FANCI: variants seen among roughly 807,000 people sequenced by gnomAD.
The protein encoded by FANCI is Fanconi anemia group I protein.
FANCI carries 156 observed loss-of-function variants against 176.1 expected under a neutral mutation model. The observed-to-expected ratio is 0.89, with a 90% CI of 0.78 to 1.01. The LOEUF (loss-of-function observed/expected upper bound fraction) is 1.01, where lower values mean the gene tolerates loss of function less well. FANCI is among the 50% of genes least tolerant of loss of function. The probability of loss-of-function intolerance (pLI) is 0.00; values close to 1 mark genes in which losing one functional copy is unlikely to be tolerated. For missense variants in FANCI, 1,678 were observed against 1,534.1 expected, an observed-to-expected ratio of 1.09 and a Z score of -1.57; for synonymous variants, 613 against 541.7, an observed-to-expected ratio of 1.13 and a Z score of -1.83.
chr15:89,289,363 T>C (rs1361307873), intron 18 of FANCI, among the ~76,000 whole-genome samples: 1 of 152,054 alleles, frequency 6.6e-6, no homozygotes, highest in Non-Finnish European at 1.5e-5. Context: ...AGTGGTGCGG[T>C]CTCGGGTCTC....
intron 34 of FANCI, among the ~76,000 whole-genome samples, chr15:89,310,974 AT>A (rs2054931760): frequency 6.6e-6 from 1 of 152,084 alleles, no homozygotes; most frequent in Non-Finnish European, 1.5e-5. Flanking sequence ...GATACAAAAA[AT>A]AGCAGGGCAC....
Position 89,301,345 on chromosome 15 carries a change from T to C in FANCI, c.2909T>C (p.Leu970Pro). The stretch of plus-strand genomic sequence containing the variant: ...TCTCAGAGGTCCTTGTTGAATTTAC[T>C]TAGCAGTCAAGAGGAAGATTTTAAT... The part of the protein sequence containing the change: ...RQFQRSLLNL[L>P]SSQEEDFNSK... Residue 970 changes from leucine to proline, a missense_variant, in exon 27 of 38, where the codon CTT becomes CCT. Leu to Pro is a moderately conservative substitution (Grantham distance 98). Around this residue, in one of 3 missense-constraint regions of FANCI, gnomAD observed 1,204 missense variants for 1,077.4 expected, o/e 1.12. Transcript: ENST00000310775. 1.2e-6 allele frequency: 2 copies of C among 1,613,812 alleles called. No homozygotes were observed. Among genetic ancestry groups the C allele is most frequent in the Non-Finnish European group, 1.7e-6 (2 of 1,179,696 alleles).
At chr15:89,249,476 T>C (rs2052141607) in intron 2 of FANCI, among the ~76,000 whole-genome samples, 1 of 152,038 alleles carries the variant, frequency 6.6e-6, no homozygotes, top group South Asian at 2.1e-4. Flanking sequence ...GCCTCCTGAG[T>C]AGCTGGGAGT....
At position 89,282,982 on chromosome 15, in the gene FANCI, C is replaced by G. The variant is rs960603985; in HGVS notation, c.1584-154C>G. 14 of 753,644 alleles carry G rather than the reference C, an allele frequency of 1.9e-5. No homozygotes were observed. In the Middle Eastern group the frequency reaches 7.6e-4, roughly 41 times the overall value. 46.7% of individuals were successfully genotyped at this position (753,644 alleles called of 1,614,324 possible). On this transcript the variant is annotated intron_variant, in intron 16 of 37. Coordinates refer to ENST00000310775, the MANE Select transcript of FANCI (RefSeq NM_001113378.2). ...TATAAATTGCTTTGAACAGCTGATA[C>G]CTTATTTTGAGTACATAAATTCACT...
chr15:89,282,368 T>C, intron 16 of FANCI: 3 of 164,880 alleles, frequency 1.8e-5, no homozygotes, highest in Admixed American at 1.1e-4. Flanking sequence ...TTGAGGGGAA[T>C]GAGTTTTATT....
chr15:89,270,086 C>T (rs1373544052), intron 10 of FANCI, among the ~76,000 whole-genome samples: 1 of 152,186 alleles, frequency 6.6e-6, no homozygotes, highest in East Asian at 1.9e-4. Context: ...GCTGAGATTA[C>T]AGGCGTGAGC....
intron 1 of FANCI, among the ~76,000 whole-genome samples, chr15:89,246,468 C>G (rs1057399623): frequency 2.0e-5 from 3 of 152,106 alleles, no homozygotes; most frequent in African/African-American, 4.8e-5. Context: ...ATTCCTTAAC[C>G]TGTTTACTTC....
At chr15:89,261,925 G>C in intron 6 of FANCI, 47 bp downstream of exon 6, 1 of 1,550,640 alleles carries the variant, frequency 6.4e-7, no homozygotes. Flanking sequence ...ACAAGTGGCG[G>C]AAAAAAAACC....
chr15:89,303,869 G>T lies in FANCI; in HGVS notation c.3012G>T (p.Val1004=), dbSNP rs1414044843. The T allele has an allele frequency of 1.2e-6, 2 of 1,613,676 alleles. No homozygotes were observed. The highest frequency in any genetic ancestry group is 1.7e-6 in the Non-Finnish European group (2 of 1,179,736). The change falls in exon 28 of 38, where the codon GTG becomes GTT. Residue 1004 remains valine (V), a synonymous_variant. Transcript: ENST00000310775. ...KLLEPSSPQF[V]QMLSWTSKIC... Reference sequence around the variant, plus strand: ...CTGAATGATCTCTAATTTAGTTTGTGCAGATGTTATCCTGGACATCAAAGA... The same window carrying T: ...CTGAATGATCTCTAATTTAGTTTGTTCAGATGTTATCCTGGACATCAAAGA...
At chr15:89,280,211 G>A (rs1480603734) in intron 14 of FANCI, among the ~76,000 whole-genome samples, 1 of 152,040 alleles carries the variant, frequency 6.6e-6, no homozygotes, top group East Asian at 1.9e-4. Context: ...TAGTAGGGAT[G>A]GTGTTTCACC....
intron 35 of FANCI, among the ~76,000 whole-genome samples, chr15:89,314,202 C>T (rs1395068357): frequency 6.6e-6 from 1 of 151,506 alleles, no homozygotes; most frequent in African/African-American, 2.4e-5. Flanking sequence ...ACACGTAGAA[C>T]CTACAAATTA....
intron 32 of FANCI, 42 bp downstream of exon 32, chr15:89,306,236 C>G (rs1395860442): frequency 3.1e-6 from 5 of 1,596,778 alleles, no homozygotes; most frequent in Non-Finnish European, 4.3e-6. Flanking sequence ...CCATTCTACC[C>G]CAGTGAGCCA....
chr15:89,308,592 A>G (rs1397507599), intron 34 of FANCI, among the ~76,000 whole-genome samples: 4 of 152,200 alleles, frequency 2.6e-5, no homozygotes, highest in African/African-American at 9.7e-5. Context: ...GCACAATATC[A>G]TTCTATCAGT....
rs2053273203 is a variant in FANCI, at chr15:89,273,324, AAAG to A, written c.883-50_883-48del. ...CTTTTTTTTTTTAAAAAAAAAAAAA[AAAG>A]AAAAAAGAAAATGTAAGTAAATGAC... On this transcript the variant is annotated intron_variant, in intron 10 of 37. Transcript: ENST00000310775. 2.6e-5 allele frequency: 24 copies of A among 928,574 alleles called. No homozygotes were observed. The African/African-American group carries it at 2.7e-4, about 11-fold the overall frequency. 57.5% of individuals were successfully genotyped at this position (928,574 alleles called of 1,614,324 possible). A position where few individuals can be genotyped will look rare whatever the true frequency, so the allele number is the denominator to read the frequency against.
chr15:89,260,867 T>C, intron 4 of FANCI, 24 bp downstream of exon 4: 1 of 1,612,536 alleles, frequency 6.2e-7, no homozygotes, highest in Non-Finnish European at 8.5e-7. Flanking sequence ...CAAAAACTTT[T>C]ATTTGGGGGT....
intron 28 of FANCI, 94 bp from the exon 29 acceptor site, chr15:89,305,021 C>T: frequency 1.4e-6 from 2 of 1,465,762 alleles, no homozygotes; most frequent in Non-Finnish European, 1.9e-6. Context: ...GGTGATCCAC[C>T]CGCCTTGGCC....
chr15:89,260,914 A>G, intron 4 of FANCI, 71 bp downstream of exon 4: 1 of 1,578,054 alleles, frequency 6.3e-7, no homozygotes, highest in South Asian at 1.1e-5. Context: ...GAGGGAAGGA[A>G]AACTTAAGTG....
chr15:89,285,092 T>C lies in FANCI; in HGVS notation c.1699-4T>C. ...AGACGTGAATTGGCCTGTCTTCCTT[T>C]CAGGTTCATGTGGATGTTCACAGCC... On this transcript the variant is annotated splice_region_variant and splice_polypyrimidine_tract_variant and intron_variant, in intron 17 of 37. Transcript: ENST00000310775. 1 of 1,614,066 alleles carries C rather than the reference T, an allele frequency of 6.2e-7. No homozygotes were observed. The highest frequency in any genetic ancestry group is 8.5e-7 in the Non-Finnish European group (1 of 1,179,974).
Position 89,300,368 on chromosome 15 carries a change from C to T in FANCI, c.2872C>T (p.Gln958Ter). The change falls in exon 26 of 38, where the codon CAG becomes TAG. Residue 958 changes from glutamine (Q) to a stop codon, truncating the protein, a stop_gained. Coordinates refer to ENST00000310775, the MANE Select transcript of FANCI (RefSeq NM_001113378.2). LOFTEE classifies it high-confidence loss of function. Reference protein sequence around the residue: ...DVSVTQRTAFQIRQFQRSLLN... With the variant: ...DVSVTQRTAF ...CAGTGTCACTCAGAGAACAGCATTC[C>T]AGATCCGGCAATTTCAGGTGAGAAG... 6.2e-7 allele frequency: 1 copy of T among 1,613,796 alleles called. No individual in the cohort carries two copies. The highest frequency in any genetic ancestry group is 1.3e-5 in the African/African-American group (1 of 75,022).
Sources: allele counts gnomAD v4.1 joint callset (sites outside exome capture counted in the v4.1 genomes callset), GRCh38; gene constraint gnomAD v4.1.1; regional missense constraint gnomAD v4.1.1; transcripts MANE v1.5; gene names NCBI Gene and HGNC (gene_info 2026-07-23, HGNC 2026-07-21).